The following CDH12 variants were observed in gnomAD, a reference collection of about 807,000 sequenced individuals.
The protein encoded by CDH12 is cadherin 12, also known as cadherin-12.
Under a neutral mutation model 74.1 loss-of-function variants are expected in CDH12, and 41 were observed. The ratio of observed to expected loss-of-function variants is 0.55; its 90% CI spans 0.43 to 0.72. The LOEUF (loss-of-function observed/expected upper bound fraction) is 0.72, where lower values mean the gene tolerates loss of function less well. CDH12 is among the 30% of genes least tolerant of loss of function. CDH12 has a pLI of 0.00. For synonymous variants in CDH12, 399 were observed against 355.0 expected, an observed-to-expected ratio of 1.12 and a Z score of -1.39; for missense variants, 945 against 977.2, an observed-to-expected ratio of 0.97 and a Z score of 0.44.
intron 3 of CDH12, among the ~76,000 whole-genome samples, chr5:22,288,767 A>C (rs1033666526): frequency 2.0e-5 from 3 of 152,214 alleles, no homozygotes; most frequent in African/African-American, 7.2e-5. Flanking sequence ...AAATTAAACA[A>C]GTATGTAAAC....
chr5:22,526,959 C>T (rs1737313996), intron 1 of CDH12, among the ~76,000 whole-genome samples: 1 of 152,090 alleles, frequency 6.6e-6, no homozygotes, highest in Non-Finnish European at 1.5e-5. Flanking sequence ...GTTCAGAGAC[C>T]TGCAGTTCCT....
At chr5:22,431,956 T>A (rs1182642093) in intron 2 of CDH12, among the ~76,000 whole-genome samples, 1 of 152,086 alleles carries the variant, frequency 6.6e-6, no homozygotes. Context: ...AACAAAAATA[T>A]AACTTTGGTG....
intron 3 of CDH12, among the ~76,000 whole-genome samples, chr5:22,374,213 A>G (rs1741423678): frequency 6.6e-6 from 1 of 152,204 alleles, no homozygotes; most frequent in Non-Finnish European, 1.5e-5. Flanking sequence ...CAAAAACCGT[A>G]TGATCACCTC....
At chr5:22,463,695 A>G (rs1745611269) in intron 2 of CDH12, among the ~76,000 whole-genome samples, 1 of 152,172 alleles carries the variant, frequency 6.6e-6, no homozygotes, top group Non-Finnish European at 1.5e-5. Context: ...TTAATTATAA[A>G]TCTATTAATT....
intron 1 of CDH12, among the ~76,000 whole-genome samples, chr5:22,554,260 C>T (rs1409298216): frequency 6.6e-6 from 1 of 151,922 alleles, no homozygotes; most frequent in Non-Finnish European, 1.5e-5. Flanking sequence ...TAGTTAAAAC[C>T]CACAGAATGT....
chr5:21,995,388 C>T (rs974303208), intron 5 of CDH12, among the ~76,000 whole-genome samples: 12 of 151,760 alleles, frequency 7.9e-5, no homozygotes, highest in African/African-American at 2.9e-4. Flanking sequence ...ACTGATGCGT[C>T]AGGGTATAGG....
At chr5:22,736,162 G>T (rs943054416) in intron 1 of CDH12, among the ~76,000 whole-genome samples, 1 of 151,628 alleles carries the variant, frequency 6.6e-6, no homozygotes. Flanking sequence ...TTGTATGCAA[G>T]AATAAAAACA....
At chr5:22,364,544 G>A (rs938971306) in intron 3 of CDH12, among the ~76,000 whole-genome samples, 1 of 152,126 alleles carries the variant, frequency 6.6e-6, no homozygotes, top group Non-Finnish European at 1.5e-5. Flanking sequence ...ATTGGTAGAA[G>A]GTGGTTACAG....
At chr5:21,876,550 T>C (rs1751948854) in intron 6 of CDH12, among the ~76,000 whole-genome samples, 1 of 152,356 alleles carries the variant, frequency 6.6e-6, no homozygotes, top group East Asian at 1.9e-4. Context: ...GTCTCTTTCA[T>C]TGACTAAACA....
chr5:22,568,736 A>T (rs1356414785), intron 1 of CDH12, among the ~76,000 whole-genome samples: 1 of 152,236 alleles, frequency 6.6e-6, no homozygotes, highest in Non-Finnish European at 1.5e-5. Flanking sequence ...AGCAAATATC[A>T]TAACAAAGTG....
chr5:22,248,511 T>C (rs1753034437), intron 3 of CDH12, among the ~76,000 whole-genome samples: 1 of 152,166 alleles, frequency 6.6e-6, no homozygotes, highest in African/African-American at 2.4e-5. Flanking sequence ...ACAAAGGGTA[T>C]TTGTGCATAA....
chr5:21,936,602 G>A (rs979656263), intron 6 of CDH12, among the ~76,000 whole-genome samples: 6 of 151,992 alleles, frequency 3.9e-5, no homozygotes, highest in Non-Finnish European at 5.9e-5. Context: ...GGGGTGGGAC[G>A]GAAGAAATTA....
chr5:22,153,903 T>TATATATACACAC (rs1478012877), intron 4 of CDH12, among the ~76,000 whole-genome samples: 2 of 111,146 alleles, frequency 1.8e-5, no homozygotes, highest in African/African-American at 7.0e-5. Flanking sequence ...TATATATATA[T>TATATATACACAC]ACACACACAT....
intron 3 of CDH12, among the ~76,000 whole-genome samples, chr5:22,370,187 T>C (rs895536509): frequency 4.6e-5 from 7 of 152,176 alleles, no homozygotes; most frequent in African/African-American, 1.7e-4. Context: ...AAATTATTTT[T>C]AGAGATCCCT....
At chr5:21,829,955 T>G (rs1245001793) in intron 8 of CDH12, among the ~76,000 whole-genome samples, 1 of 152,032 alleles carries the variant, frequency 6.6e-6, no homozygotes, top group Non-Finnish European at 1.5e-5. Flanking sequence ...TCCCAGCACT[T>G]TGGGAGGCCG....
chr5:22,537,070 C>T (rs78965603), intron 1 of CDH12, among the ~76,000 whole-genome samples: 3,518 of 152,252 alleles, frequency 0.023, 161 homozygotes, highest in East Asian at 0.14. Context: ...TTTATTATGA[C>T]CTTGAGACAC....
intron 5 of CDH12, among the ~76,000 whole-genome samples, chr5:22,029,261 T>C (rs571795393): frequency 1.3e-5 from 2 of 151,900 alleles, no homozygotes; most frequent in African/African-American, 2.4e-5. Flanking sequence ...AATTGACAAA[T>C]GGGATCTAAT....
At chr5:22,254,462 C>A (rs1009530156) in intron 3 of CDH12, among the ~76,000 whole-genome samples, 2 of 151,730 alleles carry the variant, frequency 1.3e-5, no homozygotes, top group Admixed American at 1.3e-4. Context: ...AACAATTCCA[C>A]TAGATTTGAG....
intron 1 of CDH12, among the ~76,000 whole-genome samples, chr5:22,838,523 A>C (rs1736931631): frequency 6.6e-6 from 1 of 152,150 alleles, no homozygotes; most frequent in African/African-American, 2.4e-5. Flanking sequence ...AGCATAACTA[A>C]TAAAACTGAT....
Sources: allele counts gnomAD v4.1 joint callset (sites outside exome capture counted in the v4.1 genomes callset), GRCh38; gene constraint gnomAD v4.1.1; transcripts MANE v1.5; gene names NCBI Gene and HGNC (gene_info 2026-07-23, HGNC 2026-07-21).